TAF1: variants seen among roughly 807,000 people sequenced by gnomAD.
TAF1 encodes the protein TATA-box binding protein associated factor 1, also known as transcription initiation factor TFIID subunit 1.
Under a neutral mutation model 138.5 loss-of-function variants are expected in TAF1, and 2 were observed. That is an observed-to-expected ratio of 0.01 (90% CI 0.01 to 0.05). TAF1 has a LOEUF of 0.05. TAF1 is among the 10% of genes least tolerant of loss of function. TAF1 has a pLI of 1.00. For synonymous variants in TAF1, 437 were observed against 503.2 expected, an observed-to-expected ratio of 0.87 and a Z score of 1.76; for missense variants, 709 against 1,478.0, an observed-to-expected ratio of 0.48 and a Z score of 8.53.
At chrX:71,503,298 G>GTATATATA (rs1161129315) in intron 13 of TAF1, among the ~76,000 whole-genome samples, 23 of 80,264 alleles carry the variant, frequency 2.9e-4, no homozygotes, top group African/African-American at 9.9e-4. Context: ...ATATATATGT[G>GTATATATA]TATATATATA....
intron 13 of TAF1, among the ~76,000 whole-genome samples, chrX:71,507,065 G>A (rs2039641631): frequency 8.9e-6 from 1 of 112,003 alleles, no homozygotes; most frequent in Non-Finnish European, 1.9e-5. Flanking sequence ...AGAGCCTTGT[G>A]GGAGGGAGGA....
At chrX:71,512,029 AGGG>A (rs1167135212) in intron 13 of TAF1, among the ~76,000 whole-genome samples, 1 of 105,681 alleles carries the variant, frequency 9.5e-6, no homozygotes, top group Non-Finnish European at 1.9e-5. Context: ...AAAAAAAAAA[AGGG>A]GGCTGGGCAC....
At chrX:71,400,742 G>C (rs2035134061) in intron 24 of TAF1, among the ~76,000 whole-genome samples, 1 of 112,206 alleles carries the variant, frequency 8.9e-6, no homozygotes, top group Non-Finnish European at 1.9e-5. Context: ...TATAATTCAG[G>C]GGAAGCACTT....
chrX:71,477,692 T>G (rs1362455555), intron 13 of TAF1, among the ~76,000 whole-genome samples: 1 of 112,347 alleles, frequency 8.9e-6, no homozygotes, highest in African/African-American at 3.2e-5. Context: ...TTAACTGTGT[T>G]AAAAAATATA....
At chrX:71,445,283 G>A (rs968169496) in intron 32 of TAF1, among the ~76,000 whole-genome samples, 7 of 94,903 alleles carry the variant, frequency 7.4e-5, no homozygotes, top group Admixed American at 1.2e-4. Flanking sequence ...CTGGACGACA[G>A]AGTGAGACTC....
At chrX:71,456,825 G>A (rs1462251189) in intron 34 of TAF1, among the ~76,000 whole-genome samples, 1 of 108,429 alleles carries the variant, frequency 9.2e-6, no homozygotes, top group Non-Finnish European at 1.9e-5. Context: ...ACAGGCATGG[G>A]CCATTACGCC....
chrX:71,385,149 TGC>T, intron 14 of TAF1, 100 bp downstream of exon 14: 1 of 592,326 alleles, frequency 1.7e-6, no homozygotes, highest in Non-Finnish European at 2.6e-6. Flanking sequence ...TTGATTGAGA[TGC>T]TTTAATTTTA....
At position 71,426,396 on chromosome X, in the gene TAF1, C is replaced by T. The variant is rs147414462; in HGVS notation, c.4753+2158C>T. 7.1e-3 allele frequency among the ~76,000 whole-genome samples: 793 copies of T among 111,380 alleles called. 10 individuals carry two copies. Among genetic ancestry groups the T allele is most frequent in the African/African-American group, 0.024 (750 of 30,725 alleles). On this transcript the variant is annotated intron_variant, in intron 32 of 37. Transcript: ENST00000423759. ...TAGAGAGAACAGCGATATGTAAAGGCACAGAGGCCTGAAATTGCATGATAG... is the reference window on the plus strand; with the variant it reads ...TAGAGAGAACAGCGATATGTAAAGGTACAGAGGCCTGAAATTGCATGATAG...
intron 30 of TAF1, among the ~76,000 whole-genome samples, chrX:71,423,761 T>C (rs1409573795): frequency 1.8e-5 from 2 of 112,253 alleles, no homozygotes; most frequent in African/African-American, 6.5e-5. Flanking sequence ...ATTATGACTA[T>C]ACAGCAAGTG....
chrX:71,463,900 G>A lies in TAF1; in HGVS notation c.5476G>A (p.Val1826Ile), dbSNP rs1298903743. 5.0e-6 allele frequency: 6 copies of A among 1,210,205 alleles called. No homozygotes were observed. In the South Asian group the frequency reaches 8.9e-5, roughly 18 times the overall value. The change falls in exon 38 of 38, where the codon GTA (valine) becomes ATA (isoleucine). Residue 1826 changes from valine to isoleucine, a missense_variant. Val to Ile is a conservative substitution (Grantham distance 29). Around this residue, in one of 14 missense-constraint regions of TAF1, gnomAD observed 123 missense variants for 174.7 expected, o/e 0.70. Transcript: ENST00000423759. ...CTTCAGCAGCATCGGTGGGTATGAG[G>A]TATCAGAGGAGGAAGAAGATGAGGA... Reference protein sequence around the residue: ...TSFSSIGGYEVSEEEEDEEEE... With the variant: ...TSFSSIGGYEISEEEEDEEEE...
At chrX:71,396,894 A>G (rs1190128767) in intron 22 of TAF1, among the ~76,000 whole-genome samples, 3 of 108,563 alleles carry the variant, frequency 2.8e-5, no homozygotes, top group African/African-American at 1.0e-4. Flanking sequence ...GTGTGGTGGT[A>G]CACGCCTGTA....
chrX:71,366,608 C>T (rs1013638206), intron 1 of TAF1, 114 bp downstream of exon 1: 2 of 788,603 alleles, frequency 2.5e-6, no homozygotes, highest in African/African-American at 2.1e-5. Flanking sequence ...CAGCTAACGC[C>T]GGGGAGGAGG....
chrX:71,420,347 T>C, intron 28 of TAF1: 1 of 1,197,911 alleles, frequency 8.3e-7, no homozygotes, highest in African/African-American at 1.7e-5. Context: ...CTGAGAACTC[T>C]ATATATGCAA....
At chrX:71,400,274 A>G (rs2148434844) in intron 24 of TAF1, among the ~76,000 whole-genome samples, 1 of 110,021 alleles carries the variant, frequency 9.1e-6, no homozygotes, top group East Asian at 2.9e-4. Context: ...TATTTTTAGT[A>G]AAGACAGGGT....
chrX:71,498,235 G>A (rs1351227000), intron 13 of TAF1, among the ~76,000 whole-genome samples: 1 of 111,742 alleles, frequency 8.9e-6, no homozygotes, highest in Non-Finnish European at 1.9e-5. Flanking sequence ...TGGTCTGTGG[G>A]ATCCTCAAAG....
chrX:71,508,014 A>C (rs2039659307), intron 13 of TAF1, among the ~76,000 whole-genome samples: 1 of 106,139 alleles, frequency 9.4e-6, no homozygotes. Flanking sequence ...AATAATACAT[A>C]AATAGATAGA....
chrX:71,397,813 A>G (rs1426518929), intron 23 of TAF1, among the ~76,000 whole-genome samples: 1 of 110,851 alleles, frequency 9.0e-6, no homozygotes, highest in Non-Finnish European at 1.9e-5. Context: ...TGATAGGGAG[A>G]ATAGTAATAA....
intron 22 of TAF1, among the ~76,000 whole-genome samples, chrX:71,396,760 G>A (rs1246304843): frequency 9.0e-6 from 1 of 110,793 alleles, no homozygotes; most frequent in African/African-American, 3.3e-5. Flanking sequence ...TTGGCCAGGC[G>A]TGTGGCTTAG....
chrX:71,417,101 G>A (rs1049854786), intron 28 of TAF1, among the ~76,000 whole-genome samples: 1 of 109,732 alleles, frequency 9.1e-6, no homozygotes, highest in African/African-American at 3.3e-5. Context: ...TTCAAGAAGT[G>A]ACTGGATCTT....
Sources: gnomAD v4.1 joint callset for allele counts (sites outside exome capture counted in the v4.1 genomes callset) on GRCh38, gnomAD v4.1.1 for gene constraint, gnomAD v4.1.1 regional missense constraint, MANE v1.5 for transcripts, NCBI Gene and HGNC (gene_info 2026-07-23, HGNC 2026-07-21) for gene names.